The following NME7 variants were observed in gnomAD, a reference collection of about 807,000 sequenced individuals.
NME7 encodes nucleoside diphosphate kinase 7.
NME7 carries 41 observed loss-of-function variants against 49.1 expected under a neutral mutation model. The ratio of observed to expected loss-of-function variants is 0.83; its 90% CI spans 0.65 to 1.08. The LOEUF (loss-of-function observed/expected upper bound fraction) is 1.08, where lower values mean the gene tolerates loss of function less well. Among genes scored for constraint, NME7 ranks in the 50% least tolerant of loss-of-function variants. NME7 has a pLI of 0.00. For synonymous variants in NME7, 139 were observed against 150.6 expected (o/e 0.92, Z 0.56); for missense variants, 423 against 463.4 (o/e 0.91, Z 0.80).
At chr1:169,210,768 C>G (rs1244327257) in intron 10 of NME7, among the ~76,000 whole-genome samples, 2 of 152,106 alleles carry the variant, frequency 1.3e-5, no homozygotes, top group Non-Finnish European at 2.9e-5. Context: ...GTTCTGTAAT[C>G]AGAGGCAATA....
At chr1:169,151,041 G>A (rs1423506641) in intron 11 of NME7, among the ~76,000 whole-genome samples, 3 of 152,154 alleles carry the variant, frequency 2.0e-5, no homozygotes, top group African/African-American at 7.2e-5. Flanking sequence ...TAGCTCATGG[G>A]CCGCACAAAA....
intron 7 of NME7, among the ~76,000 whole-genome samples, chr1:169,271,305 C>T (rs1649483740): frequency 7.5e-6 from 1 of 133,560 alleles, no homozygotes; most frequent in African/African-American, 2.5e-5. Flanking sequence ...AATAACTTCA[C>T]TGTTGGCTTC....
intron 7 of NME7, among the ~76,000 whole-genome samples, chr1:169,238,516 CCAT>C (rs1435870658): frequency 2.0e-5 from 3 of 149,536 alleles, no homozygotes; most frequent in African/African-American, 7.4e-5. Flanking sequence ...CACACACACA[CCAT>C]ATTCTGGATC....
intron 7 of NME7, among the ~76,000 whole-genome samples, chr1:169,249,161 C>T (rs1468608024): frequency 2.0e-5 from 3 of 152,052 alleles, no homozygotes; most frequent in South Asian, 2.1e-4. Context: ...TGATTTCTAT[C>T]AGCAGTGTTT....
chr1:169,286,717 G>A (rs1196373585), intron 7 of NME7: 1 of 152,226 alleles, frequency 6.6e-6, no homozygotes, highest in Non-Finnish European at 1.5e-5. Context: ...TGGGCACAGT[G>A]GCTCATGCCT....
chr1:169,169,009 A>T (rs1432754879), intron 11 of NME7: 2 of 426,882 alleles, frequency 4.7e-6, no homozygotes, highest in Non-Finnish European at 9.1e-6. Flanking sequence ...TGGTATAGTC[A>T]CCTGATATAA....
chr1:169,339,463 A>G (rs1652603026), intron 1 of NME7, among the ~76,000 whole-genome samples: 1 of 152,238 alleles, frequency 6.6e-6, no homozygotes, highest in Non-Finnish European at 1.5e-5. Flanking sequence ...GCAATTATAA[A>G]CTACTCAATG....
At chr1:169,284,354 T>C (rs1184108779) in intron 7 of NME7, 1 of 152,092 alleles carries the variant, frequency 6.6e-6, no homozygotes, top group Non-Finnish European at 1.5e-5. Context: ...TGACTTCAGC[T>C]TTTTTTCATG....
intron 11 of NME7, among the ~76,000 whole-genome samples, chr1:169,137,536 G>T (rs141345748): frequency 3.9e-4 from 60 of 152,322 alleles, no homozygotes; most frequent in African/African-American, 1.3e-3. Context: ...TGGAACAGAG[G>T]CCCTGTGATG....
At chr1:169,271,928 A>G (rs1381639960) in intron 7 of NME7, among the ~76,000 whole-genome samples, 1 of 132,422 alleles carries the variant, frequency 7.6e-6, no homozygotes, top group Non-Finnish European at 1.8e-5. Flanking sequence ...ACTTCAAACT[A>G]TATTTCATTA....
intron 10 of NME7, among the ~76,000 whole-genome samples, chr1:169,175,705 T>C (rs1334506607): frequency 6.6e-6 from 1 of 151,650 alleles, no homozygotes; most frequent in African/African-American, 2.4e-5. Flanking sequence ...ACGAGGTCAC[T>C]AGTCTAATTC....
chr1:169,157,371 T>C lies in NME7; in HGVS notation c.1098+12076A>G, dbSNP rs1322871586. Among the ~76,000 whole-genome samples, 5 of 152,198 alleles carry C rather than the reference T, an allele frequency of 3.3e-5. No individual in the cohort carries two copies. In the East Asian group the frequency reaches 9.6e-4, roughly 29 times the overall value. On this transcript the variant is annotated intron_variant, in intron 11 of 11. Coordinates refer to ENST00000367811, the MANE Select transcript of NME7 (RefSeq NM_013330.5). Reference sequence around the variant, plus strand: ...GGGAGAATGACAAGAGTTGGTCCCCTGTACACCTCTGAGCCACATGACCAT... The same window carrying C: ...GGGAGAATGACAAGAGTTGGTCCCCCGTACACCTCTGAGCCACATGACCAT...
chr1:169,180,015 G>A (rs542564451), intron 10 of NME7, among the ~76,000 whole-genome samples: 3 of 149,920 alleles, frequency 2.0e-5, no homozygotes, highest in Non-Finnish European at 3.0e-5. Flanking sequence ...GAAACAATGG[G>A]TCTAACAAAC....
chr1:169,249,920 T>C (rs945742130), intron 7 of NME7, among the ~76,000 whole-genome samples: 1 of 152,032 alleles, frequency 6.6e-6, no homozygotes, highest in Non-Finnish European at 1.5e-5. Flanking sequence ...ATCAGGGGTA[T>C]TGGTCTGTAG....
At chr1:169,345,760 C>G (rs1281933007) in intron 1 of NME7, among the ~76,000 whole-genome samples, 1 of 152,132 alleles carries the variant, frequency 6.6e-6, no homozygotes, top group African/African-American at 2.4e-5. Flanking sequence ...CCAGACCACT[C>G]CCTCTAAATT....
chr1:169,270,647 A>T (rs905348328), intron 7 of NME7, among the ~76,000 whole-genome samples: 1 of 134,002 alleles, frequency 7.5e-6, no homozygotes, highest in African/African-American at 2.5e-5. Flanking sequence ...AGTAGTAGTA[A>T]TAGAGTAGTA....
At chr1:169,220,090 C>T (rs547590466) in intron 10 of NME7, among the ~76,000 whole-genome samples, 25 of 152,246 alleles carry the variant, frequency 1.6e-4, no homozygotes, top group Non-Finnish European at 3.5e-4. Context: ...TCCCCAACCT[C>T]TATACTTTAG....
chr1:169,200,123 T>C (rs1403391120), intron 10 of NME7, among the ~76,000 whole-genome samples: 3 of 150,080 alleles, frequency 2.0e-5, no homozygotes, highest in Admixed American at 6.7e-5. Flanking sequence ...AAGGGGCTTA[T>C]GGTCTGGACT....
chr1:169,247,686 C>T (rs2101841197), intron 7 of NME7, among the ~76,000 whole-genome samples: 1 of 152,136 alleles, frequency 6.6e-6, no homozygotes, highest in Non-Finnish European at 1.5e-5. Context: ...ATTCTGTATG[C>T]CTTTGCATAC....
Sources: allele counts gnomAD v4.1 joint callset (sites outside exome capture counted in the v4.1 genomes callset), GRCh38; gene constraint gnomAD v4.1.1; transcripts MANE v1.5; gene names NCBI Gene and HGNC (gene_info 2026-07-23, HGNC 2026-07-21).